SPRYD4: variants seen among roughly 807,000 people sequenced by gnomAD.
SPRYD4 encodes the protein SPRY domain containing 4.
SPRYD4 carries 12 observed loss-of-function variants against 16.6 expected under a neutral mutation model. That is an observed-to-expected ratio of 0.72 (90% confidence interval 0.46 to 1.17). The LOEUF is 1.17. SPRYD4 is among the 50% of genes most tolerant of loss of function. The pLI is 0.00. For synonymous variants in SPRYD4, 98 were observed against 105.4 expected, an observed-to-expected ratio of 0.93 and a Z score of 0.43; for missense variants, 260 against 260.2, an observed-to-expected ratio of 1.00 and a Z score of 0.00.
In SPRYD4 at chr12:56,469,072, A is replaced by G. The variant is rs760871122; in HGVS notation, c.119A>G (p.His40Arg). 1 of 1,577,420 alleles carries G rather than the reference A, an allele frequency of 6.3e-7. No individual in the cohort carries two copies. Among genetic ancestry groups the G allele is most frequent in the Non-Finnish European group, 8.6e-7 (1 of 1,161,778 alleles). Residue 40 changes from histidine to arginine, a missense_variant, in exon 2 of 2, where the codon CAC becomes CGC. His to Arg is a conservative substitution (Grantham distance 29, BLOSUM62 0). Transcript: ENST00000338146. ...VSFKLEEKTA[H>R]SSLALFRDDT... ...TTCAAACTGGAAGAAAAAACCGCCCACAGCAGCCTGGCACTCTTCAGAGAT... is the reference window on the plus strand; with the variant it reads ...TTCAAACTGGAAGAAAAAACCGCCCGCAGCAGCCTGGCACTCTTCAGAGAT...
chr12:56,476,775 T>G lies in SPRYD4; in HGVS notation c.*7198T>G, dbSNP rs900724827. ...AAGCCTGGCTAATTTTTTGTATTTT[T>G]AGTAGAGACGGGGTTTCACCGTGCT... On this transcript the variant is annotated 3_prime_UTR_variant, in exon 2 of 2. Coordinates refer to ENST00000338146, the MANE Select transcript of SPRYD4 (RefSeq NM_207344.4). 1 of 152,150 alleles carries G rather than the reference T, an allele frequency of 6.6e-6. No homozygotes were observed. Among genetic ancestry groups the G allele is most frequent in the African/African-American group, 2.4e-5 (1 of 41,378 alleles). 9.4% of individuals were successfully genotyped at this position (152,150 alleles called of 1,614,324 possible). A position where few individuals can be genotyped will look rare whatever the true frequency, so the allele number is the denominator to read the frequency against.
rs546655420 is a variant in SPRYD4 at position 56,478,455 on chromosome 12, G to A, written c.*8878G>A. 26 of 597,724 alleles carry A rather than the reference G, an allele frequency of 4.3e-5. No homozygotes were observed. The highest frequency in any genetic ancestry group is 3.3e-4 in the Admixed American group (11 of 33,834). The allele number at this position is 597,724 out of a possible 1,614,324, so 37.0% of individuals were successfully genotyped here. ...TAGAAGGCCATATCTTTGTGTATCCGCAATCCTGTAGAGATAGCAGTAAAG... is the reference window on the plus strand; with the variant it reads ...TAGAAGGCCATATCTTTGTGTATCCACAATCCTGTAGAGATAGCAGTAAAG... On this transcript the variant is annotated 3_prime_UTR_variant, in exon 2 of 2. Transcript: ENST00000338146.
rs1319303801 is a variant in SPRYD4, at chr12:56,471,808, G to T, written c.*2231G>T. On this transcript the variant is annotated 3_prime_UTR_variant, in exon 2 of 2. Transcript: ENST00000338146. The stretch of plus-strand genomic sequence containing the variant: ...CAAAAGGATTCACTTTGCAAGCCTC[G>T]ATCAGGAATTTAACAACTTCGATGT... The T allele has an allele frequency of 6.2e-6, 10 of 1,613,964 alleles. 1 individual carries two copies. Among genetic ancestry groups the T allele is most frequent in the Non-Finnish European group, 7.6e-6 (9 of 1,180,000 alleles).
rs753787808 is a variant in SPRYD4 at position 56,475,598 on chromosome 12, A to G, written c.*6021A>G. The G allele has an allele frequency of 1.2e-6, 2 of 1,610,388 alleles. No individual in the cohort carries two copies. The highest frequency in any genetic ancestry group is 1.7e-6 in the Non-Finnish European group (2 of 1,176,686). On this transcript the variant is annotated 3_prime_UTR_variant, in exon 2 of 2. Coordinates refer to ENST00000338146, the MANE Select transcript of SPRYD4 (RefSeq NM_207344.4). ...CACACACATACACCACAATGCTTTC[A>G]GTCAGTCCTCTGAGTAGGGACTTAC...
At position 56,471,477 on chromosome 12, in the gene SPRYD4, T is replaced by A; in HGVS notation, c.*1900T>A. ...CTTTTTCTTGAGCAGGGGCTGTCCATGACCTGTGCTCATACCATGCTTTCT... is the reference window on the plus strand; with the variant it reads ...CTTTTTCTTGAGCAGGGGCTGTCCAAGACCTGTGCTCATACCATGCTTTCT... On this transcript the variant is annotated 3_prime_UTR_variant, in exon 2 of 2. Transcript: ENST00000338146. The A allele has an allele frequency of 6.2e-7, 1 of 1,608,118 alleles. No individual in the cohort carries two copies. Among genetic ancestry groups the A allele is most frequent in the South Asian group, 1.1e-5 (1 of 90,154 alleles).
rs1480946056 is a variant in SPRYD4 at position 56,475,718 on chromosome 12, G to T, written c.*6141G>T. 9 of 1,609,584 alleles carry T rather than the reference G, an allele frequency of 5.6e-6. No individual in the cohort carries two copies. Among genetic ancestry groups the T allele is most frequent in the Non-Finnish European group, 7.7e-6 (9 of 1,175,998 alleles). ...AAAAGGGACATTGAGGCTCCACTTG[G>T]TTAAGAAGCTCTATTAATACCTCAC... On this transcript the variant is annotated 3_prime_UTR_variant, in exon 2 of 2. Transcript: ENST00000338146.
In SPRYD4 at chr12:56,474,564, A is replaced by C. The variant is rs1287798997; in HGVS notation, c.*4987A>C. The C allele has an allele frequency of 5.0e-6, 8 of 1,613,974 alleles. No individual in the cohort carries two copies. The East Asian group carries it at 1.3e-4, about 27-fold the overall frequency. On this transcript the variant is annotated 3_prime_UTR_variant, in exon 2 of 2. Transcript: ENST00000338146. ...CTCACGTGGAAGGCAAACTGGCCAG[A>C]GAAGTCATACATGCCGCAGGAATGC...
rs924468937 is a variant in SPRYD4, at chr12:56,469,233, G to A, written c.280G>A (p.Val94Met). 1.2e-6 allele frequency: 2 copies of A among 1,614,040 alleles called. No individual in the cohort carries two copies. Among genetic ancestry groups the A allele is most frequent in the African/African-American group, 2.7e-5 (2 of 75,036 alleles). Residue 94 changes from valine to methionine, a missense_variant, in exon 2 of 2, where the codon GTG (valine) becomes ATG (methionine). Physicochemically the swap from Val to Met is conservative, Grantham distance 21. Coordinates refer to ENST00000338146, the MANE Select transcript of SPRYD4 (RefSeq NM_207344.4). ...TGGCAGACACTACTGGGAAGTGACA[G>A]TGAAGCGCTCCCAGCAGTTCCGGAT... ...TSGRHYWEVT[V>M]KRSQQFRIGV...
In SPRYD4 at chr12:56,475,537, C is replaced by A. The variant is rs1249492005; in HGVS notation, c.*5960C>A. 5 of 1,372,358 alleles carry A rather than the reference C, an allele frequency of 3.6e-6. No homozygotes were observed. The highest frequency in any genetic ancestry group is 5.1e-6 in the Non-Finnish European group (5 of 978,130). The allele number at this position is 1,372,358 out of a possible 1,614,324, so 85.0% of individuals were successfully genotyped here. A position where few individuals can be genotyped will look rare whatever the true frequency, so the allele number is the denominator to read the frequency against. ...CCTGGGATTTCTTCCTCCTAAGATTCTCTCTCCCCCATTCCTCTTGTCCCC... is the reference window on the plus strand; with the variant it reads ...CCTGGGATTTCTTCCTCCTAAGATTATCTCTCCCCCATTCCTCTTGTCCCC... On this transcript the variant is annotated 3_prime_UTR_variant, in exon 2 of 2. Transcript: ENST00000338146.
rs71459371 is a variant in SPRYD4 at position 56,469,433 on chromosome 12, G to A, written c.480G>A (p.Gln160=). ...GGCTGTTGCTGGAGTATGAGGCCCAGAAGCTGAGCCTGGTGGATGTGAGCC... is the reference window on the plus strand; with the variant it reads ...GGCTGTTGCTGGAGTATGAGGCCCAAAAGCTGAGCCTGGTGGATGTGAGCC... ...KVGLLLEYEA[Q]KLSLVDVSQV... The change falls in exon 2 of 2, where the codon CAG becomes CAA. Residue 160 remains glutamine (Q), a synonymous_variant. Coordinates refer to ENST00000338146, the MANE Select transcript of SPRYD4 (RefSeq NM_207344.4). The A allele has an allele frequency of 2.7e-5, 44 of 1,613,986 alleles. No individual in the cohort carries two copies. In the Middle Eastern group the frequency reaches 6.6e-4, roughly 24 times the overall value.
In SPRYD4 at chr12:56,472,671, TTGGTC is replaced by T. The variant is rs778777549; in HGVS notation, c.*3095_*3099del. 2 of 1,609,284 alleles carry T rather than the reference TTGGTC, an allele frequency of 1.2e-6. No individual in the cohort carries two copies. Among genetic ancestry groups the T allele is most frequent in the African/African-American group, 2.7e-5 (2 of 74,894 alleles). On this transcript the variant is annotated 3_prime_UTR_variant, in exon 2 of 2. Transcript: ENST00000338146. Reference sequence around the variant, plus strand: ...ACCAGGAGTATTTTATTGTGTATATTTGGTCACAGTAGCATTACCTTCGAAGAGCT... The same window carrying T: ...ACCAGGAGTATTTTATTGTGTATATTACAGTAGCATTACCTTCGAAGAGCT...
Position 56,475,845 on chromosome 12 carries a change from G to C in SPRYD4, c.*6268G>C. ...GGAAATAAGGCTTCTAGTATGGGCTGGTGCACCTGGTAGTGGGGTTAGAGA... is the reference window on the plus strand; with the variant it reads ...GGAAATAAGGCTTCTAGTATGGGCTCGTGCACCTGGTAGTGGGGTTAGAGA... On this transcript the variant is annotated 3_prime_UTR_variant, in exon 2 of 2. Transcript: ENST00000338146. The C allele has an allele frequency of 7.0e-7, 1 of 1,423,778 alleles. No individual in the cohort carries two copies. The highest frequency in any genetic ancestry group is 9.9e-7 in the Non-Finnish European group (1 of 1,008,442). The allele number at this position is 1,423,778 out of a possible 1,614,324, so 88.2% of individuals were successfully genotyped here.
At position 56,469,217 on chromosome 12, in the gene SPRYD4, C is replaced by T. The variant is rs1592269574; in HGVS notation, c.264C>T (p.His88=). The T allele has an allele frequency of 3.1e-6, 5 of 1,614,106 alleles. No individual in the cohort carries two copies. In the East Asian group the frequency reaches 6.7e-5, roughly 22 times the overall value. The change falls in exon 2 of 2, where the codon CAC becomes CAT. Residue 88 remains histidine (H), a synonymous_variant. Coordinates refer to ENST00000338146, the MANE Select transcript of SPRYD4 (RefSeq NM_207344.4). ...LADTAVTSGR[H]YWEVTVKRSQ... Reference sequence around the variant, plus strand: ...ACACAGCGGTCACCAGTGGCAGACACTACTGGGAAGTGACAGTGAAGCGCT... The same window carrying T: ...ACACAGCGGTCACCAGTGGCAGACATTACTGGGAAGTGACAGTGAAGCGCT...
In SPRYD4 at chr12:56,477,862, G is replaced by A; in HGVS notation, c.*8285G>A. 6.4e-7 allele frequency: 1 copy of A among 1,560,482 alleles called. No homozygotes were observed. Among genetic ancestry groups the A allele is most frequent in the Non-Finnish European group, 8.7e-7 (1 of 1,148,340 alleles). On this transcript the variant is annotated 3_prime_UTR_variant, in exon 2 of 2. Transcript: ENST00000338146. ...CAGGAAGGGCAGAGAAACAAAAAAG[G>A]CTGGGAGATGGGGTGGGGATAAGGA... is the stretch of plus-strand genomic sequence containing the variant.
Position 56,469,041 on chromosome 12 carries a change from G to T in SPRYD4, c.88G>T (p.Val30Phe). Residue 30 changes from valine (V) to phenylalanine (F), a missense_variant and splice_region_variant, in exon 2 of 2, where the codon GTC becomes TTC. Coordinates refer to ENST00000338146, the MANE Select transcript of SPRYD4 (RefSeq NM_207344.4). ...GVASTEAQRG[V>F]SFKLEEKTAH... The stretch of plus-strand genomic sequence containing the variant: ...CCGTCTTTTTGCTCTGCCCGCAGGC[G>T]TCAGTTTCAAACTGGAAGAAAAAAC... 2 of 1,558,562 alleles carry T rather than the reference G, an allele frequency of 1.3e-6. No homozygotes were observed. The highest frequency in any genetic ancestry group is 1.7e-6 in the Non-Finnish European group (2 of 1,152,146).
At position 56,474,805 on chromosome 12, in the gene SPRYD4, A is replaced by C; in HGVS notation, c.*5228A>C. 1 of 1,613,494 alleles carries C rather than the reference A, an allele frequency of 6.2e-7. No individual in the cohort carries two copies. Among genetic ancestry groups the C allele is most frequent in the Non-Finnish European group, 8.5e-7 (1 of 1,179,742 alleles). On this transcript the variant is annotated 3_prime_UTR_variant, in exon 2 of 2. Transcript: ENST00000338146. ...GTAGGGAAAGGGCAAGGGCAAGGACAGTCTGTCCTGTTCCCTCGGCCCTGA... is the reference window on the plus strand; with the variant it reads ...GTAGGGAAAGGGCAAGGGCAAGGACCGTCTGTCCTGTTCCCTCGGCCCTGA...
rs1869121103 is a variant in SPRYD4, at chr12:56,469,086, C to T, written c.133C>T (p.Leu45Phe). The change falls in exon 2 of 2, where the codon CTC becomes TTC. Residue 45 changes from leucine (L) to phenylalanine (F), a missense_variant. By Grantham distance (22) the Leu-to-Phe change is conservative. Coordinates refer to ENST00000338146, the MANE Select transcript of SPRYD4 (RefSeq NM_207344.4). ...AAAAACCGCCCACAGCAGCCTGGCACTCTTCAGAGATGATACGGGTGTCAA... is the reference window on the plus strand; with the variant it reads ...AAAAACCGCCCACAGCAGCCTGGCATTCTTCAGAGATGATACGGGTGTCAA... ...EEKTAHSSLA[L>F]FRDDTGVKYG... The T allele has an allele frequency of 6.2e-7, 1 of 1,602,772 alleles. No individual in the cohort carries two copies. The highest frequency in any genetic ancestry group is 8.5e-7 in the Non-Finnish European group (1 of 1,173,346).
In SPRYD4 at chr12:56,474,147, C is replaced by A; in HGVS notation, c.*4570C>A. ...TGCTCTTGTTGCCCAGGCTACAGTG[C>A]AATGGCACAATCTCGGCTCAGTGCA... is the stretch of plus-strand genomic sequence containing the variant. On this transcript the variant is annotated 3_prime_UTR_variant, in exon 2 of 2. Transcript: ENST00000338146. 1 of 213,138 alleles carries A rather than the reference C, an allele frequency of 4.7e-6. No homozygotes were observed. The highest frequency in any genetic ancestry group is 9.4e-6 in the Non-Finnish European group (1 of 106,390). The allele number at this position is 213,138 out of a possible 1,614,324, so 13.2% of individuals were successfully genotyped here.
In SPRYD4 at chr12:56,471,765, T is replaced by C. The variant is rs1869292585; in HGVS notation, c.*2188T>C. ...CCCACCCTCCTCCACTTTTAGCCTA[T>C]TCCTCACCTGTCCTTGGCAAAAGGA... On this transcript the variant is annotated 3_prime_UTR_variant, in exon 2 of 2. Coordinates refer to ENST00000338146, the MANE Select transcript of SPRYD4 (RefSeq NM_207344.4). The C allele has an allele frequency of 2.5e-6, 4 of 1,614,148 alleles. No homozygotes were observed. The East Asian group carries it at 8.9e-5, about 36-fold the overall frequency.
Sources: gnomAD v4.1 joint callset for allele counts on GRCh38, gnomAD v4.1.1 for gene constraint, MANE v1.5 for transcripts, NCBI Gene and HGNC (gene_info 2026-07-23, HGNC 2026-07-21) for gene names.